PTPRN2: variants seen among roughly 807,000 people sequenced by gnomAD.
PTPRN2 encodes receptor-type tyrosine-protein phosphatase N2.
In PTPRN2, 74 loss-of-function variants were observed where a neutral mutation model predicts 118.8. That is an observed-to-expected ratio of 0.62 (90% CI 0.52 to 0.76). The LOEUF (loss-of-function observed/expected upper bound fraction) is 0.76, where lower values mean the gene tolerates loss of function less well. Ranked by LOEUF, PTPRN2 falls within the 30% of genes least tolerant of loss-of-function variation. The probability of loss-of-function intolerance (pLI) is 0.00; values close to 1 mark genes in which losing one functional copy is unlikely to be tolerated. For missense variants in PTPRN2, 1,481 were observed against 1,394.4 expected, an observed-to-expected ratio of 1.06 and a Z score of -0.99; for synonymous variants, 641 against 608.0, an observed-to-expected ratio of 1.05 and a Z score of -0.80.
At chr7:158,479,158 C>G (rs1343836800) in intron 2 of PTPRN2, among the ~76,000 whole-genome samples, 2 of 151,916 alleles carry the variant, frequency 1.3e-5, no homozygotes, top group Non-Finnish European at 2.9e-5. Context: ...AACAAGTCAC[C>G]GAACTCTTCT....
intron 2 of PTPRN2, among the ~76,000 whole-genome samples, chr7:158,480,459 A>G (rs1473257670): frequency 6.6e-6 from 1 of 152,194 alleles, no homozygotes; most frequent in Admixed American, 6.5e-5. Context: ...AAATTAGGCT[A>G]ATTAGCAACC....
intron 1 of PTPRN2, among the ~76,000 whole-genome samples, chr7:158,572,778 A>T (rs897837247): frequency 6.6e-6 from 1 of 152,190 alleles, no homozygotes; most frequent in Non-Finnish European, 1.5e-5. Context: ...TTGCCACTTA[A>T]ATTGCTTTAC....
At chr7:158,520,912 A>G (rs1361811598) in intron 1 of PTPRN2, among the ~76,000 whole-genome samples, 1 of 152,180 alleles carries the variant, frequency 6.6e-6, no homozygotes, top group Non-Finnish European at 1.5e-5. Flanking sequence ...ACACATGGAT[A>G]CGCTGGGCAA....
In PTPRN2 at chr7:157,550,312, G is replaced by GCCTGCGAAGCACCTCCAAGTCACAGCAGA; in HGVS notation, c.2903-1294_2903-1293insTCTGCTGTGACTTGGAGGTGCTTCGCAGG. On this transcript the variant is annotated intron_variant, in intron 21 of 22. Coordinates refer to ENST00000389418, the MANE Select transcript of PTPRN2 (RefSeq NM_002847.5). The surrounding 1 kb of genome is among the most constrained non-coding windows in gnomAD (Gnocchi z 5.2). ...GCGAAGCACCTCCAAGTCACAGCAG[G>GCCTGCGAAGCACCTCCAAGTCACAGCAGA]TGCCTGCGAAGCACCTCCAAGTCAG... Among the ~76,000 whole-genome samples the GCCTGCGAAGCACCTCCAAGTCACAGCAGA allele has an allele frequency of 6.6e-6, 1 of 151,586 alleles. No individual in the cohort carries two copies. Among genetic ancestry groups the GCCTGCGAAGCACCTCCAAGTCACAGCAGA allele is most frequent in the Admixed American group, 6.5e-5 (1 of 15,282 alleles).
intron 2 of PTPRN2, among the ~76,000 whole-genome samples, chr7:158,465,366 C>T (rs1819318207): frequency 6.6e-6 from 1 of 152,154 alleles, no homozygotes; most frequent in Admixed American, 6.5e-5. Flanking sequence ...CATACCACAC[C>T]CCTTACTCCC....
intron 18 of PTPRN2, among the ~76,000 whole-genome samples, chr7:157,577,414 T>A (rs972598856): frequency 1.3e-5 from 2 of 152,238 alleles, no homozygotes; most frequent in East Asian, 1.9e-4. Flanking sequence ...AATCAAAGCA[T>A]GCATTCTAGT....
chr7:157,574,988 T>G (rs1239184487), intron 19 of PTPRN2, among the ~76,000 whole-genome samples: 1 of 152,212 alleles, frequency 6.6e-6, no homozygotes, highest in Non-Finnish European at 1.5e-5. Context: ...CTTTTGAATT[T>G]AACAAAAACC....
intron 12 of PTPRN2, among the ~76,000 whole-genome samples, chr7:157,750,944 G>A (rs546098256): frequency 5.3e-5 from 8 of 152,354 alleles, no homozygotes; most frequent in South Asian, 2.1e-4. Flanking sequence ...GCCAGGGCTC[G>A]CTGGTAGGCC....
In PTPRN2 at chr7:158,338,280, G is replaced by A. The variant is rs548386214; in HGVS notation, c.164-21348C>T. Reference sequence around the variant, plus strand: ...CACCCACACTCTCACCATAAGCGCTGACACCTGCTGACGTCACTCACACCC... The same window carrying A: ...CACCCACACTCTCACCATAAGCGCTAACACCTGCTGACGTCACTCACACCC... On this transcript the variant is annotated intron_variant, in intron 2 of 22. Transcript: ENST00000389418. Among the ~76,000 whole-genome samples the A allele has an allele frequency of 1.8e-4, 13 of 74,078 alleles. 2 individuals are homozygous for A. The South Asian group carries it at 7.7e-3, about 44-fold the overall frequency. 48.6% of individuals were successfully genotyped at this position (74,078 alleles called of 152,430 possible).
intron 11 of PTPRN2, among the ~76,000 whole-genome samples, chr7:158,051,135 G>A (rs148609144): frequency 3.0e-4 from 45 of 152,312 alleles, no homozygotes; most frequent in African/African-American, 1.1e-3. Context: ...GCATCTGTTG[G>A]GGGTCTGGAG....
At chr7:158,524,122 G>T in intron 1 of PTPRN2, among the ~76,000 whole-genome samples, 1 of 73,766 alleles carries the variant, frequency 1.4e-5, no homozygotes. Context: ...AGTGGAGTCT[G>T]CCCTGGAGTG....
chr7:157,903,547 GC>G lies in PTPRN2; in HGVS notation c.1724-4811del, dbSNP rs1213088598. ...ACCCTCCCACATGCCCCACGGTGCT[GC>G]CTCTCGAAACTGACTGGACCTTTTA... On this transcript the variant is annotated intron_variant, in intron 11 of 22. Transcript: ENST00000389418. The surrounding 1 kb of genome is among the most constrained non-coding windows in gnomAD (Gnocchi z 4.2). 6.6e-6 allele frequency among the ~76,000 whole-genome samples: 1 copy of G among 152,034 alleles called. No individual in the cohort carries two copies. Among genetic ancestry groups the G allele is most frequent in the Non-Finnish European group, 1.5e-5 (1 of 68,018 alleles).
chr7:157,960,510 A>T lies in PTPRN2; in HGVS notation c.1724-61773T>A, dbSNP rs116272274. Among the ~76,000 whole-genome samples, 1,400 of 152,328 alleles carry T rather than the reference A, an allele frequency of 9.2e-3. 19 individuals are homozygous for T. Among genetic ancestry groups the T allele is most frequent in the African/African-American group, 0.032 (1,318 of 41,564 alleles). ...ATTTTAACCATCTAATTTCAATTTT[A>T]AAAATACATCTTTAATTCTTTCCAT... On this transcript the variant is annotated intron_variant, in intron 11 of 22. Transcript: ENST00000389418.
intron 11 of PTPRN2, among the ~76,000 whole-genome samples, chr7:157,982,597 C>T (rs1803360033): frequency 7.9e-6 from 1 of 126,122 alleles, no homozygotes; most frequent in Non-Finnish European, 1.6e-5. Context: ...TAGGGGAATG[C>T]AGAGTGCAGG....
At chr7:157,954,745 G>A (rs1034244017) in intron 11 of PTPRN2, among the ~76,000 whole-genome samples, 1 of 152,180 alleles carries the variant, frequency 6.6e-6, no homozygotes, top group South Asian at 2.1e-4. Context: ...GGTGGAAGTG[G>A]GGGTGGCCTC....
chr7:157,678,238 AT>A (rs1380068263), intron 13 of PTPRN2, among the ~76,000 whole-genome samples: 1 of 152,184 alleles, frequency 6.6e-6, no homozygotes, highest in Middle Eastern at 3.2e-3. Flanking sequence ...TGACCTGGAA[AT>A]TTAAATATAT....
At chr7:158,377,839 G>A (rs1254240279) in intron 2 of PTPRN2, among the ~76,000 whole-genome samples, 1 of 152,180 alleles carries the variant, frequency 6.6e-6, no homozygotes, top group Admixed American at 6.5e-5. Flanking sequence ...CTCAAGGGCA[G>A]GGTGCAGGCA....
chr7:158,569,359 G>A lies in PTPRN2; in HGVS notation c.112+18199C>T, dbSNP rs537584150. 2.0e-5 allele frequency among the ~76,000 whole-genome samples: 3 copies of A among 152,358 alleles called. No homozygotes were observed. In the South Asian group the frequency reaches 6.2e-4, roughly 32 times the overall value. On this transcript the variant is annotated intron_variant, in intron 1 of 22. Coordinates refer to ENST00000389418, the MANE Select transcript of PTPRN2 (RefSeq NM_002847.5). ...ATTCCCAGAACTCAATCACCACTGA[G>A]CGACCTCGAAAAAGATCACGTGGGC...
chr7:158,067,147 G>A (rs960808615), intron 11 of PTPRN2, among the ~76,000 whole-genome samples: 2 of 152,244 alleles, frequency 1.3e-5, no homozygotes, highest in African/African-American at 4.8e-5. Context: ...TTAGATGGGT[G>A]GAGGGCAAGG....
Sources: gnomAD v4.1 joint callset for allele counts (sites outside exome capture counted in the v4.1 genomes callset) on GRCh38, gnomAD v4.1.1 for gene constraint, Gnocchi (gnomAD v3.1) non-coding constraint, MANE v1.5 for transcripts, NCBI Gene and HGNC (gene_info 2026-07-23, HGNC 2026-07-21) for gene names.